TBCD: variants seen among roughly 807,000 people sequenced by gnomAD.
The protein encoded by TBCD is tubulin-specific chaperone D.
TBCD carries 105 observed loss-of-function variants against 169.3 expected under a neutral mutation model. The observed-to-expected ratio is 0.62, with a 90% CI of 0.53 to 0.73. TBCD has a LOEUF of 0.73. Ranked by LOEUF, TBCD falls within the 30% of genes least tolerant of loss-of-function variation. The pLI is 0.00. For synonymous variants in TBCD, 700 were observed against 643.9 expected (o/e 1.09, Z -1.32); for missense variants, 1,444 against 1,600.1 (o/e 0.90, Z 1.66).
At chr17:82,895,707 G>A (rs183780467) in intron 17 of TBCD, 1 of 152,350 alleles carries the variant, frequency 6.6e-6, no homozygotes, top group East Asian at 1.9e-4. Context: ...GCAGGTGGAG[G>A]GCACAGCTGA....
rs752953575 is a variant in TBCD, at chr17:82,884,173, C to T, written c.1504C>T (p.Arg502Ter). The T allele has an allele frequency of 3.1e-6, 5 of 1,610,562 alleles. No individual in the cohort carries two copies. Among genetic ancestry groups the T allele is most frequent in the South Asian group, 1.1e-5 (1 of 90,316 alleles). Reference sequence around the variant, plus strand: ...ACTGGTGATTGCTGCGGTGTTTGACCGAGACATAAACTGCAGAAGAGCAGC... The same window carrying T: ...ACTGGTGATTGCTGCGGTGTTTGACTGAGACATAAACTGCAGAAGAGCAGC... The part of the protein sequence containing the change: ...SALVIAAVFD[R>*]DINCRRAASA... Residue 502 changes from arginine (R) to a stop codon, truncating the protein, a stop_gained, in exon 15 of 39, where the codon CGA (arginine) becomes TGA (stop). Transcript: ENST00000355528. LOFTEE classifies it high-confidence loss of function. This position sits in a 1 kb window ranked among gnomAD's most constrained non-coding sequence, Gnocchi z 4.2.
intron 14 of TBCD, among the ~76,000 whole-genome samples, chr17:82,876,585 A>G (rs539468853): frequency 7.9e-5 from 12 of 152,346 alleles, no homozygotes; most frequent in African/African-American, 2.9e-4. Context: ...TGAGAATGAG[A>G]AAATAGAGCC....
At chr17:82,843,977 A>G (rs916608456) in intron 13 of TBCD, among the ~76,000 whole-genome samples, 10 of 151,984 alleles carry the variant, frequency 6.6e-5, no homozygotes, top group Non-Finnish European at 8.8e-5. Flanking sequence ...TCTCACCTGC[A>G]GGTTCTTTCC....
At chr17:82,830,845 G>A (rs1316339764) in intron 13 of TBCD, 7 of 1,612,884 alleles carry the variant, frequency 4.3e-6, no homozygotes, top group South Asian at 2.2e-5. Flanking sequence ...GCTTCCGGTC[G>A]GAGCAGGAGG....
At chr17:82,840,794 C>T (rs1428271282) in intron 13 of TBCD, among the ~76,000 whole-genome samples, 2 of 151,986 alleles carry the variant, frequency 1.3e-5, no homozygotes, top group African/African-American at 2.4e-5. Flanking sequence ...AATCGGAGGC[C>T]GCACCCCAGT....
intron 4 of TBCD, among the ~76,000 whole-genome samples, chr17:82,767,449 T>C (rs538986064): frequency 6.6e-6 from 1 of 152,252 alleles, no homozygotes; most frequent in Non-Finnish European, 1.5e-5. Context: ...TTTATTCTTT[T>C]TTTTTTAAAA....
intron 13 of TBCD, among the ~76,000 whole-genome samples, chr17:82,825,738 A>G (rs1408101897): frequency 6.6e-6 from 1 of 152,266 alleles, no homozygotes; most frequent in Non-Finnish European, 1.5e-5. Context: ...TTTTAAAATA[A>G]AACTATTGCG....
At chr17:82,844,149 GA>G (rs2145508848) in intron 13 of TBCD, among the ~76,000 whole-genome samples, 1 of 150,428 alleles carries the variant, frequency 6.6e-6, no homozygotes, top group Non-Finnish European at 1.5e-5. Context: ...CTTATCTAAG[GA>G]TTTTAGTGAT....
chr17:82,924,858 C>A, intron 26 of TBCD, 81 bp from the exon 27 acceptor site: 1 of 1,171,482 alleles, frequency 8.5e-7, no homozygotes, highest in Non-Finnish European at 1.2e-6. Flanking sequence ...TGGCTTTGCT[C>A]CTGTTTGGGG....
At chr17:82,907,848 C>T in intron 21 of TBCD, 27 bp downstream of exon 21, 1 of 1,609,204 alleles carries the variant, frequency 6.2e-7, no homozygotes, top group Non-Finnish European at 8.5e-7. Flanking sequence ...TGGGTGTACC[C>T]TCAGGAGGCA....
intron 38 of TBCD, chr17:82,941,894 G>A (rs1019221776): frequency 6.8e-5 from 13 of 190,920 alleles, no homozygotes; most frequent in South Asian, 4.6e-4. Context: ...TCACCAGCCC[G>A]TCACTCTTCT....
At chr17:82,769,944 G>A (rs1598414683) in intron 5 of TBCD, among the ~76,000 whole-genome samples, 1 of 151,458 alleles carries the variant, frequency 6.6e-6, no homozygotes, top group African/African-American at 2.4e-5. Flanking sequence ...TTAATTAACT[G>A]TGATTAATAA....
At chr17:82,765,688 T>A (rs1475830011) in intron 3 of TBCD, among the ~76,000 whole-genome samples, 1 of 152,234 alleles carries the variant, frequency 6.6e-6, no homozygotes, top group Non-Finnish European at 1.5e-5. Flanking sequence ...AGGGAAGTGT[T>A]AATGAATTTG....
At chr17:82,893,519 T>C in intron 16 of TBCD, 28 bp from the exon 17 acceptor site, 1 of 1,530,412 alleles carries the variant, frequency 6.5e-7, no homozygotes, top group Non-Finnish European at 8.9e-7. Flanking sequence ...AAATTCTTCT[T>C]TTTCCCCCAT....
chr17:82,939,176 G>A (rs542752018), intron 36 of TBCD, 191 bp from the exon 37 acceptor site: 1 of 619,138 alleles, frequency 1.6e-6, no homozygotes, highest in African/African-American at 1.8e-5. Context: ...TGTGGAGGGA[G>A]GAGGTGGTTA....
chr17:82,870,446 T>G lies in TBCD; in HGVS notation c.1475+66T>G, dbSNP rs1161673433. 4.6e-5 allele frequency: 71 copies of G among 1,560,152 alleles called. 1 individual carries two copies. Among genetic ancestry groups the G allele is most frequent in the Middle Eastern group, 1.7e-4 (1 of 5,926 alleles). The stretch of plus-strand genomic sequence containing the variant: ...CCTGACGGCGCCGTGTGTCGTTTCC[T>G]CCATGAGAGGTGTGCACAGCAGATG... On this transcript the variant is annotated intron_variant, in intron 14 of 38. Coordinates refer to ENST00000355528, the MANE Select transcript of TBCD (RefSeq NM_005993.5).
At chr17:82,753,972 G>A (rs2047264405) in intron 1 of TBCD, among the ~76,000 whole-genome samples, 1 of 149,630 alleles carries the variant, frequency 6.7e-6, no homozygotes, top group Non-Finnish European at 1.5e-5. Flanking sequence ...CACCTCCCAG[G>A]TTCAAGTGAT....
chr17:82,795,245 A>G (rs938287025), intron 7 of TBCD, among the ~76,000 whole-genome samples: 1 of 152,222 alleles, frequency 6.6e-6, no homozygotes, highest in Non-Finnish European at 1.5e-5. Context: ...CCCGTTGCCA[A>G]GTAAGACTGG....
chr17:82,899,946 A>G (rs992130159), intron 17 of TBCD, among the ~76,000 whole-genome samples: 1 of 152,034 alleles, frequency 6.6e-6, no homozygotes, highest in Non-Finnish European at 1.5e-5. Context: ...TTTTGTATCA[A>G]TTTTTTGTTT....
Sources: allele counts gnomAD v4.1 joint callset (sites outside exome capture counted in the v4.1 genomes callset), GRCh38; gene constraint gnomAD v4.1.1; non-coding constraint Gnocchi (gnomAD v3.1); transcripts MANE v1.5; gene names NCBI Gene and HGNC (gene_info 2026-07-23, HGNC 2026-07-21).